Variants in KAZN observed in about 807,000 individuals in gnomAD.
The protein encoded by KAZN is kazrin.
A neutral mutation model predicts 87.4 loss-of-function variants in KAZN; 40 were observed. That is an observed-to-expected ratio of 0.46 (90% CI 0.36 to 0.60). The LOEUF (loss-of-function observed/expected upper bound fraction) is 0.60, where lower values mean the gene tolerates loss of function less well. KAZN is among the 20% of genes least tolerant of loss of function. The pLI is 0.00. For missense variants in KAZN, 898 were observed against 1,073.9 expected, an observed-to-expected ratio of 0.84 and a Z score of 2.29; for synonymous variants, 466 against 458.3, an observed-to-expected ratio of 1.02 and a Z score of -0.22.
intron 2 of KAZN, among the ~76,000 whole-genome samples, chr1:15,019,092 G>T (rs1670410410): frequency 6.6e-6 from 1 of 152,148 alleles, no homozygotes; most frequent in African/African-American, 2.4e-5. Flanking sequence ...GCCATACTGG[G>T]TCTGTGAGAG....
chr1:14,002,870 A>T (rs1410252142), intron 1 of KAZN, among the ~76,000 whole-genome samples: 1 of 152,224 alleles, frequency 6.6e-6, no homozygotes, highest in Non-Finnish European at 1.5e-5. Context: ...TACCCAAAGG[A>T]ATATAAATTA....
chr1:14,692,383 G>T, intron 1 of KAZN: 1 of 305,714 alleles, frequency 3.3e-6, no homozygotes. Context: ...CCATACGTCA[G>T]TTTTTCTTTG....
chr1:14,986,209 G>T (rs1666810896), intron 2 of KAZN, among the ~76,000 whole-genome samples: 1 of 152,018 alleles, frequency 6.6e-6, no homozygotes. Flanking sequence ...TGCGTTCGAT[G>T]ATATTATTAA....
At chr1:14,324,619 T>C (rs1656275090) in intron 2 of KAZN, among the ~76,000 whole-genome samples, 1 of 152,168 alleles carries the variant, frequency 6.6e-6, no homozygotes, top group Non-Finnish European at 1.5e-5. Context: ...CTTATATGGC[T>C]TCAAGGGTGT....
intron 6 of KAZN, chr1:15,063,133 G>A (rs566893726): frequency 5.7e-6 from 1 of 174,900 alleles, no homozygotes; most frequent in South Asian, 1.5e-4. Flanking sequence ...CGGTTGTGGG[G>A]GAAGCTAGAG....
chr1:14,466,225 C>G (rs1014523059), intron 2 of KAZN, among the ~76,000 whole-genome samples: 1 of 152,138 alleles, frequency 6.6e-6, no homozygotes, highest in Admixed American at 6.5e-5. Flanking sequence ...GAAGAGAGAG[C>G]TCACTCTACA....
intron 1 of KAZN, among the ~76,000 whole-genome samples, chr1:14,851,209 T>C (rs559873869): frequency 1.3e-4 from 20 of 152,262 alleles, no homozygotes; most frequent in African/African-American, 4.8e-4. Context: ...GGAGCAGCCA[T>C]CTAGGTGGGT....
rs529463948 is a variant in KAZN, at chr1:14,089,367, T to C, written c.92-91068T>C. Among the ~76,000 whole-genome samples the C allele has an allele frequency of 6.6e-4, 100 of 152,264 alleles. 1 individual carries two copies. The highest frequency in any genetic ancestry group is 2.2e-3 in the African/African-American group (91 of 41,598). The stretch of plus-strand genomic sequence containing the variant: ...ATACATATATGATCTTCATTTATTT[T>C]ATCTTCTTTTCTTCTTGTGGATTAA... On this transcript the variant is annotated intron_variant, in intron 1 of 16. Coordinates refer to the KAZN transcript ENST00000636203.
chr1:14,868,602 T>C lies in KAZN; in HGVS notation c.227-92082T>C, dbSNP rs181755153. On this transcript the variant is annotated intron_variant, in intron 1 of 14. Transcript: ENST00000376030. ...ACTGGAGTCTTGTAGACCCAGAACA[T>C]CTGGGCAGACTTTGAGTTTGGGGAG... 1.7e-4 allele frequency among the ~76,000 whole-genome samples: 26 copies of C among 151,880 alleles called. No homozygotes were observed. In the East Asian group the frequency reaches 4.5e-3, roughly 26 times the overall value.
At chr1:13,981,089 T>TCTCTCTCTATATATA (rs1553181094) in intron 1 of KAZN, among the ~76,000 whole-genome samples, 2 of 63,134 alleles carry the variant, frequency 3.2e-5, no homozygotes, top group African/African-American at 1.2e-4. Context: ...AAATTACTCT[T>TCTCTCTCTATATATA]TATATATATA....
intron 1 of KAZN, among the ~76,000 whole-genome samples, chr1:14,655,714 A>G (rs1004253803): frequency 2.0e-5 from 3 of 152,222 alleles, no homozygotes; most frequent in African/African-American, 7.2e-5. Flanking sequence ...CCAGAAAGGA[A>G]AAGCCTCTCG....
intron 2 of KAZN, among the ~76,000 whole-genome samples, chr1:14,346,259 G>A (rs1658099589): frequency 6.6e-6 from 1 of 152,190 alleles, no homozygotes; most frequent in African/African-American, 2.4e-5. Flanking sequence ...CCAGGAAGAA[G>A]AAGAAAAGTT....
intron 2 of KAZN, among the ~76,000 whole-genome samples, chr1:14,550,748 C>G (rs1266943277): frequency 1.4e-5 from 1 of 73,654 alleles, no homozygotes; most frequent in Non-Finnish European, 3.1e-5. Flanking sequence ...TCCCCCACCC[C>G]GCCACCCCCT....
At chr1:14,399,027 G>T (rs537947577) in intron 2 of KAZN, among the ~76,000 whole-genome samples, 9 of 152,206 alleles carry the variant, frequency 5.9e-5, no homozygotes, top group Non-Finnish European at 2.9e-5. Flanking sequence ...TTTGGAGGGG[G>T]GGATTTTGTT....
intron 2 of KAZN, among the ~76,000 whole-genome samples, chr1:14,413,577 A>C (rs928337442): frequency 5.8e-5 from 8 of 137,210 alleles, no homozygotes; most frequent in South Asian, 2.4e-4. Context: ...CAACAGTGTG[A>C]AACTCCGTCT....
At chr1:14,891,303 C>T (rs752101301) in intron 1 of KAZN, among the ~76,000 whole-genome samples, 3 of 152,110 alleles carry the variant, frequency 2.0e-5, no homozygotes, top group Non-Finnish European at 4.4e-5. Flanking sequence ...TTTTATCCCT[C>T]ACCCCCTTCC....
intron 1 of KAZN, among the ~76,000 whole-genome samples, chr1:14,002,337 G>A (rs1471020698): frequency 6.6e-6 from 1 of 152,208 alleles, no homozygotes; most frequent in Non-Finnish European, 1.5e-5. Context: ...CCCATGTGTT[G>A]TGAAAGGGAC....
At chr1:14,828,227 C>G (rs559929543) in intron 1 of KAZN, among the ~76,000 whole-genome samples, 8 of 152,306 alleles carry the variant, frequency 5.3e-5, no homozygotes, top group African/African-American at 1.9e-4. Context: ...TAATAAACAT[C>G]TTCTCTTTTA....
intron 1 of KAZN, among the ~76,000 whole-genome samples, chr1:14,924,764 C>A (rs962866702): frequency 6.6e-6 from 1 of 152,046 alleles, no homozygotes; most frequent in Non-Finnish European, 1.5e-5. Flanking sequence ...AGTTCCTCGG[C>A]GTGGGGACCG....
Sources: allele counts gnomAD v4.1 joint callset (sites outside exome capture counted in the v4.1 genomes callset), GRCh38; gene constraint gnomAD v4.1.1; transcripts MANE v1.5; gene names NCBI Gene and HGNC (gene_info 2026-07-23, HGNC 2026-07-21).